The following ARHGEF28 variants were observed in gnomAD, a reference collection of about 807,000 sequenced individuals.
ARHGEF28 encodes the protein 190 kDa guanine nucleotide exchange factor.
Under a neutral mutation model 206.6 loss-of-function variants are expected in ARHGEF28, and 152 were observed. The observed-to-expected ratio is 0.74, with a 90% CI of 0.64 to 0.84. The LOEUF (loss-of-function observed/expected upper bound fraction) is 0.84, where lower values mean the gene tolerates loss of function less well. Among genes scored for constraint, ARHGEF28 ranks in the 40% least tolerant of loss-of-function variants. The pLI is 0.00. For missense variants in ARHGEF28, 2,028 were observed against 2,073.2 expected, an observed-to-expected ratio of 0.98 and a Z score of 0.42; for synonymous variants, 763 against 776.4, an observed-to-expected ratio of 0.98 and a Z score of 0.29.
intron 1 of ARHGEF28, among the ~76,000 whole-genome samples, chr5:73,640,807 T>C (rs1338438575): frequency 6.6e-6 from 1 of 152,202 alleles, no homozygotes; most frequent in African/African-American, 2.4e-5. Flanking sequence ...TTAAATGATA[T>C]TTAAATATAA....
chr5:73,806,527 GT>G (rs1175140771), intron 9 of ARHGEF28, among the ~76,000 whole-genome samples: 12 of 122,794 alleles, frequency 9.8e-5, no homozygotes, highest in African/African-American at 3.4e-4. Flanking sequence ...TATGTATATA[GT>G]ATATATCTAT....
In ARHGEF28 at chr5:73,738,652, G is replaced by C. The variant is rs550184893; in HGVS notation, c.34-11185G>C. 3.3e-5 allele frequency among the ~76,000 whole-genome samples: 5 copies of C among 152,240 alleles called. No individual in the cohort carries two copies. The East Asian group carries it at 9.7e-4, about 29-fold the overall frequency. On this transcript the variant is annotated intron_variant, in intron 2 of 35. Transcript: ENST00000513042. Reference sequence around the variant, plus strand: ...TTTATACCTTTGTACAAAGGAGAGGGACTGCCTGTGGAACACAAGGACTTG... The same window carrying C: ...TTTATACCTTTGTACAAAGGAGAGGCACTGCCTGTGGAACACAAGGACTTG...
chr5:73,750,109 C>T (rs1026694989), intron 3 of ARHGEF28, 125 bp downstream of exon 3: 12 of 1,113,452 alleles, frequency 1.1e-5, no homozygotes, highest in African/African-American at 3.1e-5. Flanking sequence ...GGAGTGTGTG[C>T]GTGCCTGTGT....
chr5:73,756,445 C>T (rs1027956350), intron 4 of ARHGEF28, among the ~76,000 whole-genome samples: 1 of 152,228 alleles, frequency 6.6e-6, no homozygotes, highest in African/African-American at 2.4e-5. Context: ...TGAGGTAAAA[C>T]TGTCTGCAGC....
At chr5:73,701,585 A>G (rs1294888984) in intron 2 of ARHGEF28, among the ~76,000 whole-genome samples, 1 of 152,172 alleles carries the variant, frequency 6.6e-6, no homozygotes, top group Non-Finnish European at 1.5e-5. Flanking sequence ...TAGATAAACT[A>G]TGGGACATAC....
intron 7 of ARHGEF28, among the ~76,000 whole-genome samples, chr5:73,787,541 C>A (rs113871920): frequency 2.6e-5 from 4 of 152,156 alleles, no homozygotes; most frequent in African/African-American, 7.2e-5. Context: ...TCCCCTACCC[C>A]CTACCCTCTG....
chr5:73,868,044 T>C, intron 19 of ARHGEF28, 24 bp downstream of exon 19: 1 of 1,613,580 alleles, frequency 6.2e-7, no homozygotes, highest in Non-Finnish European at 8.5e-7. Context: ...TGTTTTTACA[T>C]ATTAATGGCT....
chr5:73,887,464 C>T (rs1472634177), intron 25 of ARHGEF28, 139 bp from the exon 26 acceptor site: 4 of 627,760 alleles, frequency 6.4e-6, no homozygotes, highest in African/African-American at 1.9e-5. Flanking sequence ...TTATTAATAG[C>T]ATATATCTTT....
intron 4 of ARHGEF28, among the ~76,000 whole-genome samples, chr5:73,767,869 A>C (rs1752990496): frequency 6.6e-6 from 1 of 152,166 alleles, no homozygotes; most frequent in Non-Finnish European, 1.5e-5. Flanking sequence ...TTATAGGCCC[A>C]GAGGCCTAGG....
chr5:73,867,815 A>T, intron 18 of ARHGEF28, 61 bp from the exon 19 acceptor site: 1 of 1,606,838 alleles, frequency 6.2e-7, no homozygotes, highest in South Asian at 1.1e-5. Context: ...CTTTTAAGTG[A>T]CTACTTTTAC....
At chr5:73,813,416 C>G in intron 9 of ARHGEF28, 1 of 1,344,134 alleles carries the variant, frequency 7.4e-7, no homozygotes, top group African/African-American at 1.5e-5. Context: ...CCTGAATGCC[C>G]GAAGGAAGCA....
At chr5:73,939,888 AAATTT>A (rs2112067829) in intron 35 of ARHGEF28, among the ~76,000 whole-genome samples, 1 of 152,134 alleles carries the variant, frequency 6.6e-6, no homozygotes, top group Non-Finnish European at 1.5e-5. Flanking sequence ...TATGTTCTTT[AAATTT>A]TTTTTTAATT....
intron 16 of ARHGEF28, among the ~76,000 whole-genome samples, chr5:73,861,376 A>C (rs772575069): frequency 1.3e-5 from 2 of 152,242 alleles, no homozygotes; most frequent in Non-Finnish European, 2.9e-5. Context: ...GTTTAAGCAG[A>C]AACTTTTTAT....
chr5:73,630,636 G>A (rs1313922696), intron 1 of ARHGEF28, among the ~76,000 whole-genome samples: 1 of 152,214 alleles, frequency 6.6e-6, no homozygotes, highest in Non-Finnish European at 1.5e-5. Context: ...TAGGCTGGGA[G>A]TTGGAGGAAG....
intron 9 of ARHGEF28, among the ~76,000 whole-genome samples, chr5:73,811,120 G>C (rs1157735264): frequency 6.6e-6 from 1 of 152,166 alleles, no homozygotes; most frequent in Admixed American, 6.5e-5. Flanking sequence ...AAGTAGAGCT[G>C]AAGAAAAATA....
In ARHGEF28 at chr5:73,909,610, T is replaced by G. The variant is rs1309898607; in HGVS notation, c.4360T>G (p.Trp1454Gly). 1 of 1,553,154 alleles carries G rather than the reference T, an allele frequency of 6.4e-7. No individual in the cohort carries two copies. The highest frequency in any genetic ancestry group is 2.0e-5 in the Admixed American group (1 of 51,188). The stretch of plus-strand genomic sequence containing the variant: ...CCAGCTCCAGCAGGAGCAGCGGCGC[T>G]GGCTGCGCAGGTGTGAGCAGCAGCA... ...QHQLQQEQRR[W>G]LRRCEQQQRA... The change falls in exon 34 of 36, where the codon TGG (tryptophan) becomes GGG (glycine). Residue 1454 changes from tryptophan (W) to glycine (G), a missense_variant. Trp to Gly is a radical substitution (Grantham distance 184, BLOSUM62 -2). Transcript: ENST00000513042.
intron 4 of ARHGEF28, among the ~76,000 whole-genome samples, chr5:73,761,871 A>ATT (rs796882239): frequency 6.6e-6 from 1 of 151,406 alleles, no homozygotes; most frequent in African/African-American, 2.4e-5. Flanking sequence ...CAATTTGTTG[A>ATT]TTTTTTTTAA....
intron 1 of ARHGEF28, among the ~76,000 whole-genome samples, chr5:73,647,095 C>G (rs1202057363): frequency 6.6e-6 from 1 of 152,138 alleles, no homozygotes; most frequent in Non-Finnish European, 1.5e-5. Flanking sequence ...CTGAAATGCT[C>G]TACAATCTGA....
At chr5:73,753,722 C>T (rs2112405668) in intron 4 of ARHGEF28, among the ~76,000 whole-genome samples, 1 of 152,304 alleles carries the variant, frequency 6.6e-6, no homozygotes, top group Middle Eastern at 3.4e-3. Flanking sequence ...ACCAAATGGA[C>T]TCTGAATACC....
Sources: gnomAD v4.1 joint callset for allele counts (sites outside exome capture counted in the v4.1 genomes callset) on GRCh38, gnomAD v4.1.1 for gene constraint, MANE v1.5 for transcripts, NCBI Gene and HGNC (gene_info 2026-07-23, HGNC 2026-07-21) for gene names.